The following ARMH3 variants were observed in gnomAD, a reference collection of about 807,000 sequenced individuals.
ARMH3 encodes armadillo like helical domain containing 3, also known as armadillo-like helical domain-containing protein 3.
In ARMH3, 60 loss-of-function variants were observed where a neutral mutation model predicts 99.1. The observed-to-expected ratio is 0.61, with a 90% CI of 0.49 to 0.75. ARMH3 has a LOEUF of 0.75. ARMH3 is among the 30% of genes least tolerant of loss of function. ARMH3 has a pLI of 0.00. For missense variants in ARMH3, 679 were observed against 843.1 expected (o/e 0.81, Z 2.41); for synonymous variants, 285 against 292.8 (o/e 0.97, Z 0.27).
intron 23 of ARMH3, among the ~76,000 whole-genome samples, chr10:101,906,223 C>T (rs534146585): frequency 1.3e-5 from 2 of 152,190 alleles, no homozygotes; most frequent in South Asian, 4.1e-4. Flanking sequence ...CTGCAATCAA[C>T]GTTGTTGTTT....
intron 14 of ARMH3, among the ~76,000 whole-genome samples, chr10:102,006,304 T>C (rs975831374): frequency 6.6e-6 from 1 of 152,214 alleles, no homozygotes; most frequent in Non-Finnish European, 1.5e-5. Flanking sequence ...CCTCTACAAC[T>C]ACTCCCTGAG....
At position 101,847,168 on chromosome 10, in the gene ARMH3, G is replaced by A. The variant is rs561990434; in HGVS notation, c.*360C>T. 2.5e-4 allele frequency: 51 copies of A among 205,790 alleles called. No homozygotes were observed. Among genetic ancestry groups the A allele is most frequent in the African/African-American group, 1.1e-3 (48 of 43,382 alleles). The allele number at this position is 205,790 out of a possible 1,614,324, so 12.7% of individuals were successfully genotyped here. A position where few individuals can be genotyped will look rare whatever the true frequency, so the allele number is the denominator to read the frequency against. ...GCCGAGCAGAGCCACTGACTTTCAGGGTGCTGGCATTACCCTGAGGCTTGC... is the reference window on the plus strand; with the variant it reads ...GCCGAGCAGAGCCACTGACTTTCAGAGTGCTGGCATTACCCTGAGGCTTGC... On this transcript the variant is annotated 3_prime_UTR_variant, in exon 26 of 26. Coordinates refer to ENST00000370033, the MANE Select transcript of ARMH3 (RefSeq NM_024541.3).
At chr10:101,944,327 G>GTC (rs1844419143) in intron 22 of ARMH3, among the ~76,000 whole-genome samples, 4 of 101,762 alleles carry the variant, frequency 3.9e-5, no homozygotes, top group Admixed American at 3.1e-4. Context: ...GAGAGAGAGA[G>GTC]AGTCCAAACT....
Position 101,894,411 on chromosome 10 carries a change from A to G in ARMH3, c.1782-4921T>C, listed in dbSNP as rs75190921. On this transcript the variant is annotated intron_variant, in intron 23 of 25. Coordinates refer to ENST00000370033, the MANE Select transcript of ARMH3 (RefSeq NM_024541.3). ...AATGACAGAAGACTGGAACCAGGCTAAGCCAGACCAAGCTGAGTGACACAC... is the reference window on the plus strand; with the variant it reads ...AATGACAGAAGACTGGAACCAGGCTGAGCCAGACCAAGCTGAGTGACACAC... 1.8e-4 allele frequency among the ~76,000 whole-genome samples: 28 copies of G among 152,310 alleles called. 1 individual carries two copies. In the East Asian group the frequency reaches 5.2e-3, roughly 28 times the overall value.
intron 1 of ARMH3, among the ~76,000 whole-genome samples, chr10:102,043,485 CTACTGGCA>C: frequency 6.6e-6 from 1 of 152,284 alleles, no homozygotes; most frequent in African/African-American, 2.4e-5. Context: ...AGCTCATAAT[CTACTGGCA>C]CAGACAGACA....
At chr10:101,922,824 G>A (rs1843356134) in intron 23 of ARMH3, among the ~76,000 whole-genome samples, 1 of 152,128 alleles carries the variant, frequency 6.6e-6, no homozygotes, top group Non-Finnish European at 1.5e-5. Context: ...CTTTTCAGAT[G>A]TGTCACCAAG....
intron 14 of ARMH3, among the ~76,000 whole-genome samples, chr10:102,004,643 A>G (rs191390601): frequency 6.6e-5 from 10 of 152,306 alleles, no homozygotes; most frequent in Admixed American, 6.5e-4. Context: ...ATATATATAT[A>G]TGGCTTTTGA....
chr10:101,961,037 C>T (rs1478022929), intron 20 of ARMH3, among the ~76,000 whole-genome samples: 3 of 152,170 alleles, frequency 2.0e-5, no homozygotes, highest in Non-Finnish European at 2.9e-5. Flanking sequence ...TGGTTTATAA[C>T]TTTCTCCACC....
intron 23 of ARMH3, among the ~76,000 whole-genome samples, chr10:101,907,422 G>A (rs188803842): frequency 3.4e-5 from 5 of 149,032 alleles, no homozygotes; most frequent in African/African-American, 4.9e-5. Flanking sequence ...TCACTCTGTC[G>A]CCCAGGCTGG....
At chr10:101,940,812 A>G (rs1461265262) in intron 22 of ARMH3, among the ~76,000 whole-genome samples, 2 of 151,820 alleles carry the variant, frequency 1.3e-5, no homozygotes, top group African/African-American at 4.8e-5. Flanking sequence ...ACAGAGAGGA[A>G]AGATAATAGA....
At chr10:101,945,601 C>T (rs1844479244) in intron 22 of ARMH3, among the ~76,000 whole-genome samples, 1 of 151,682 alleles carries the variant, frequency 6.6e-6, no homozygotes, top group African/African-American at 2.4e-5. Context: ...GCCTGTAATC[C>T]CAGCTACTCC....
intron 24 of ARMH3, among the ~76,000 whole-genome samples, chr10:101,877,238 G>A (rs1490634904): frequency 6.6e-6 from 1 of 152,150 alleles, no homozygotes; most frequent in African/African-American, 2.4e-5. Flanking sequence ...GGGAGCTCGA[G>A]GTTGCAGTGA....
chr10:101,938,770 GCATTT>G (rs1844108674), intron 23 of ARMH3, among the ~76,000 whole-genome samples: 1 of 152,190 alleles, frequency 6.6e-6, no homozygotes, highest in Admixed American at 6.5e-5. Flanking sequence ...GTGCAGATAT[GCATTT>G]ATTTGTGAGA....
chr10:101,965,664 A>G (rs746263793), intron 20 of ARMH3, among the ~76,000 whole-genome samples: 113 of 152,214 alleles, frequency 7.4e-4, no homozygotes, highest in Non-Finnish European at 1.4e-3. Flanking sequence ...ACTGCAGTAA[A>G]ATATTTGAGG....
At chr10:102,012,927 T>G (rs1200562870) in intron 9 of ARMH3, 51 bp from the exon 10 acceptor site, 5 of 1,484,834 alleles carry the variant, frequency 3.4e-6, no homozygotes, top group Non-Finnish European at 4.6e-6. Context: ...CCTTTGGGAG[T>G]TGGTGATGAT....
chr10:101,859,509 A>G (rs973327721), intron 24 of ARMH3, among the ~76,000 whole-genome samples: 1 of 152,234 alleles, frequency 6.6e-6, no homozygotes, highest in Non-Finnish European at 1.5e-5. Context: ...GATGAAACGA[A>G]TGGGAGAGGA....
chr10:101,947,117 G>A (rs1038135719), intron 22 of ARMH3, among the ~76,000 whole-genome samples: 3 of 152,014 alleles, frequency 2.0e-5, no homozygotes, highest in Admixed American at 1.3e-4. Flanking sequence ...AACCCGGGAG[G>A]CAGAGCTTGC....
intron 6 of ARMH3, among the ~76,000 whole-genome samples, chr10:102,024,363 T>C (rs142944618): frequency 0.013 from 1,905 of 151,820 alleles, 35 homozygotes; most frequent in Non-Finnish European, 0.017. Flanking sequence ...GCAGGAGAAC[T>C]GTTCAAACCC....
At chr10:102,001,756 T>C (rs1023962766) in intron 15 of ARMH3, among the ~76,000 whole-genome samples, 2 of 152,202 alleles carry the variant, frequency 1.3e-5, no homozygotes, top group African/African-American at 4.8e-5. Context: ...TGTTCTATTT[T>C]TGAGTACTCC....
Sources: allele counts gnomAD v4.1 joint callset (sites outside exome capture counted in the v4.1 genomes callset), GRCh38; gene constraint gnomAD v4.1.1; transcripts MANE v1.5; gene names NCBI Gene and HGNC (gene_info 2026-07-23, HGNC 2026-07-21).